Variants in ACBD6 observed in about 807,000 individuals in gnomAD.
ACBD6 encodes acyl-CoA-binding domain-containing protein 6.
In ACBD6, 28 loss-of-function variants were observed where a neutral mutation model predicts 37.2. The ratio of observed to expected loss-of-function variants is 0.75; its 90% CI spans 0.56 to 1.03. The LOEUF (loss-of-function observed/expected upper bound fraction) is 1.03. Ranked by LOEUF, ACBD6 falls within the 50% of genes least tolerant of loss-of-function variation. ACBD6 has a pLI of 0.00. For synonymous variants in ACBD6, 113 were observed against 126.8 expected (o/e 0.89, Z 0.73); for missense variants, 340 against 337.4 (o/e 1.01, Z -0.06).
intron 3 of ACBD6, among the ~76,000 whole-genome samples, chr1:180,474,564 G>A (rs1022781001): frequency 6.6e-6 from 1 of 152,142 alleles, no homozygotes; most frequent in African/African-American, 2.4e-5. Context: ...CTGGCTATGG[G>A]CTGGGTTACT....
chr1:180,487,769 A>G (rs1344012425), intron 3 of ACBD6, among the ~76,000 whole-genome samples: 1 of 151,778 alleles, frequency 6.6e-6, no homozygotes, highest in African/African-American at 2.4e-5. Context: ...AATTGTGAAG[A>G]AAAAAAAACT....
At chr1:180,437,512 AAAAC>A (rs1649093323) in intron 3 of ACBD6, among the ~76,000 whole-genome samples, 1 of 152,132 alleles carries the variant, frequency 6.6e-6, no homozygotes, top group Non-Finnish European at 1.5e-5. Flanking sequence ...GAGCAGAGGA[AAAAC>A]ACAGTTTGAA....
chr1:180,405,395 GACA>G (rs1246102332), intron 5 of ACBD6, among the ~76,000 whole-genome samples: 1 of 152,156 alleles, frequency 6.6e-6, no homozygotes, highest in Non-Finnish European at 1.5e-5. Context: ...AATGGCTAAT[GACA>G]ACAATTATAC....
chr1:180,479,636 C>T lies in ACBD6; in HGVS notation c.384+12633G>A, dbSNP rs1433247827. 2.6e-5 allele frequency among the ~76,000 whole-genome samples: 4 copies of T among 152,096 alleles called. No individual in the cohort carries two copies. In the East Asian group the frequency reaches 7.7e-4, roughly 29 times the overall value. Reference sequence around the variant, plus strand: ...AAAATGTACAGATACCCGAAATGCCCTGATTTGATCAGTACAGCACTATAT... The same window carrying T: ...AAAATGTACAGATACCCGAAATGCCTTGATTTGATCAGTACAGCACTATAT... On this transcript the variant is annotated intron_variant, in intron 3 of 7. Coordinates refer to ENST00000367595, the MANE Select transcript of ACBD6 (RefSeq NM_032360.4).
chr1:180,420,319 T>C (rs1490289706), intron 4 of ACBD6, among the ~76,000 whole-genome samples: 1 of 152,242 alleles, frequency 6.6e-6, no homozygotes, highest in Non-Finnish European at 1.5e-5. Flanking sequence ...TGAAGTCACA[T>C]ATAACATGTA....
chr1:180,477,679 CTAAAA>C, intron 3 of ACBD6, among the ~76,000 whole-genome samples: 1 of 152,046 alleles, frequency 6.6e-6, no homozygotes, highest in Non-Finnish European at 1.5e-5. Flanking sequence ...TACTTTTTTA[CTAAAA>C]TAAGTCAGAA....
intron 3 of ACBD6, among the ~76,000 whole-genome samples, chr1:180,464,246 A>C (rs578158210): frequency 6.6e-6 from 1 of 152,292 alleles, no homozygotes; most frequent in East Asian, 1.9e-4. Context: ...GAGGAAGTCA[A>C]ACTATCTGTT....
chr1:180,354,258 G>A (rs1287976626), intron 6 of ACBD6, among the ~76,000 whole-genome samples: 1 of 152,156 alleles, frequency 6.6e-6, no homozygotes. Flanking sequence ...ATCACAAAAG[G>A]AAAACACAAT....
chr1:180,406,504 A>T (rs945015821), intron 5 of ACBD6, among the ~76,000 whole-genome samples: 2 of 152,180 alleles, frequency 1.3e-5, no homozygotes, highest in African/African-American at 4.8e-5. Flanking sequence ...TATGAAATAC[A>T]AATACATTTT....
rs1553218674 is a variant in ACBD6, at chr1:180,493,267, A to AACC, written c.288-903_288-902insGGT. 9.1e-5 allele frequency among the ~76,000 whole-genome samples: 10 copies of AACC among 110,332 alleles called. 1 individual carries two copies. The highest frequency in any genetic ancestry group is 2.8e-4 in the African/African-American group (6 of 21,448). The allele number at this position is 110,332 out of a possible 152,430, so 72.4% of individuals were successfully genotyped here. A position where few individuals can be genotyped will look rare whatever the true frequency, so the allele number is the denominator to read the frequency against. On this transcript the variant is annotated intron_variant, in intron 2 of 7. Transcript: ENST00000367595. ...TGTCTCAAAAAAAAAAAAAAAAAAA[A>AACC]AAAAAAAAAAACAACAACAGCAACT...
At chr1:180,286,478 A>G (rs758638997), downstream of ACBD6, among the ~76,000 whole-genome samples, 4 of 152,228 alleles carry the variant, frequency 2.6e-5, no homozygotes, top group Admixed American at 6.5e-5. Context: ...CTAATGTCTT[A>G]AAAAATGCAC....
chr1:180,271,629 C>CTCAG, exon 14 of ACBD6: 1 of 1,504,692 alleles, frequency 6.6e-7, no homozygotes, highest in South Asian at 1.1e-5. Context: ...GGTGGTTGGG[C>CTCAG]TCAGGGCTTG....
At chr1:180,451,934 T>TA (rs1230569901) in intron 3 of ACBD6, among the ~76,000 whole-genome samples, 4 of 152,148 alleles carry the variant, frequency 2.6e-5, no homozygotes, top group East Asian at 1.9e-4. Context: ...AAACTACATT[T>TA]AAAAAAACTA....
intron 6 of ACBD6, among the ~76,000 whole-genome samples, chr1:180,394,827 T>G (rs1654201938): frequency 6.6e-6 from 1 of 152,070 alleles, no homozygotes; most frequent in African/African-American, 2.4e-5. Context: ...ATATATCAAT[T>G]ATAGATGAGT....
In ACBD6 at chr1:180,412,521, GGTCA is replaced by G. The variant is rs527971480; in HGVS notation, c.573+841_573+844del. Among the ~76,000 whole-genome samples, 319 of 152,124 alleles carry G rather than the reference GGTCA, an allele frequency of 2.1e-3. 2 individuals carry two copies. Among genetic ancestry groups the G allele is most frequent in the Non-Finnish European group, 3.7e-3 (253 of 67,988 alleles). On this transcript the variant is annotated intron_variant, in intron 5 of 7. Coordinates refer to ENST00000367595, the MANE Select transcript of ACBD6 (RefSeq NM_032360.4). ...TGCTCTTTTAACAGCTATAATTCAG[GGTCA>G]GTTAAAACTCAGTATGTGAATGGTA...
At chr1:180,391,637 A>T (rs1011513757) in intron 6 of ACBD6, among the ~76,000 whole-genome samples, 4 of 152,172 alleles carry the variant, frequency 2.6e-5, no homozygotes, top group Non-Finnish European at 5.9e-5. Context: ...GCTATAATCA[A>T]CAAGACAGAT....
intron 9 of ACBD6, chr1:180,276,150 T>TGAG (rs1284088996): frequency 6.6e-6 from 1 of 152,124 alleles, no homozygotes; most frequent in African/African-American, 2.4e-5. Context: ...TAGGAAAGGG[T>TGAG]GAGAAGGCAT....
chr1:180,501,568 T>C (rs1364919630), intron 1 of ACBD6, among the ~76,000 whole-genome samples: 2 of 152,214 alleles, frequency 1.3e-5, no homozygotes, highest in African/African-American at 2.4e-5. Context: ...TCCTCCCGCC[T>C]CGGCCTCCCA....
At chr1:180,325,801 T>C (rs1651240183) in intron 6 of ACBD6, among the ~76,000 whole-genome samples, 1 of 152,232 alleles carries the variant, frequency 6.6e-6, no homozygotes, top group Non-Finnish European at 1.5e-5. Context: ...ATGGTAGTCT[T>C]GGATAAGATC....
Sources: allele counts gnomAD v4.1 joint callset (sites outside exome capture counted in the v4.1 genomes callset), GRCh38; gene constraint gnomAD v4.1.1; transcripts MANE v1.5; gene names NCBI Gene and HGNC (gene_info 2026-07-23, HGNC 2026-07-21).